The following TAOK3 variants were observed in gnomAD, a reference collection of about 807,000 sequenced individuals.
TAOK3 encodes serine/threonine-protein kinase TAO3.
Under a neutral mutation model 120.4 loss-of-function variants are expected in TAOK3, and 40 were observed. The ratio of observed to expected loss-of-function variants is 0.33; its 90% confidence interval spans 0.26 to 0.43. The LOEUF (loss-of-function observed/expected upper bound fraction) is 0.43. Among genes scored for constraint, TAOK3 ranks in the 20% least tolerant of loss-of-function variants. The probability of loss-of-function intolerance (pLI) is 1.00; values close to 1 mark genes in which losing one functional copy is unlikely to be tolerated. For synonymous variants in TAOK3, 355 were observed against 387.5 expected (o/e 0.92, Z 0.99); for missense variants, 821 against 1,112.1 (o/e 0.74, Z 3.72).
At chr12:118,324,625 C>G (rs1188917249) in intron 1 of TAOK3, among the ~76,000 whole-genome samples, 2 of 151,914 alleles carry the variant, frequency 1.3e-5, no homozygotes, top group Non-Finnish European at 1.5e-5. Flanking sequence ...TTTTTAGTTC[C>G]CACATGAGCG....
At chr12:118,344,094 A>T (rs75556854) in intron 1 of TAOK3, among the ~76,000 whole-genome samples, 1,820 of 151,550 alleles carry the variant, frequency 0.012, 32 homozygotes, top group African/African-American at 0.041. Flanking sequence ...GGATTTTACA[A>T]ATTTAGAACA....
At chr12:118,245,287 C>T (rs954748542) in intron 3 of TAOK3, among the ~76,000 whole-genome samples, 2 of 152,064 alleles carry the variant, frequency 1.3e-5, no homozygotes, top group African/African-American at 4.8e-5. Context: ...CCGCCCGCCT[C>T]GGCCTCCCAA....
chr12:118,193,500 C>T (rs1253423350), intron 13 of TAOK3, among the ~76,000 whole-genome samples: 1 of 152,146 alleles, frequency 6.6e-6, no homozygotes, highest in East Asian at 1.9e-4. Flanking sequence ...ACTATTATAC[C>T]TTAGACAAGG....
At chr12:118,166,847 T>C (rs7487392) in intron 17 of TAOK3, among the ~76,000 whole-genome samples, 28,962 of 134,640 alleles carry the variant, frequency 0.22, 3,592 homozygotes, top group South Asian at 0.32. Context: ...CACACACACA[T>C]ACACACACAC....
chr12:118,187,020 T>C (rs1022029084), intron 14 of TAOK3, among the ~76,000 whole-genome samples: 3 of 152,258 alleles, frequency 2.0e-5, no homozygotes, highest in African/African-American at 7.2e-5. Context: ...TTTAGGCTTA[T>C]GTTGAAGAAG....
chr12:118,358,740 T>C (rs1365036407), intron 1 of TAOK3, among the ~76,000 whole-genome samples: 2 of 152,208 alleles, frequency 1.3e-5, no homozygotes, highest in African/African-American at 4.8e-5. Context: ...TTAAATTAAA[T>C]AGAGCACATG....
intron 9 of TAOK3, among the ~76,000 whole-genome samples, chr12:118,226,828 T>G (rs1401201791): frequency 6.6e-6 from 1 of 152,142 alleles, no homozygotes; most frequent in Non-Finnish European, 1.5e-5. Flanking sequence ...GAAGGTAAAA[T>G]CAGAAAGCAC....
rs920644628 is a variant in TAOK3, at chr12:118,187,604, T to C, written c.1329+2203A>G. On this transcript the variant is annotated intron_variant, in intron 14 of 20. Coordinates refer to ENST00000392533, the MANE Select transcript of TAOK3 (RefSeq NM_016281.4). ...CATACCTTTTCCCTTCCATTTTTTT[T>C]CCCCTCCCTAAAAGCCACTAGATAC... is the stretch of plus-strand genomic sequence containing the variant. Among the ~76,000 whole-genome samples the C allele has an allele frequency of 2.6e-5, 4 of 151,784 alleles. No homozygotes were observed. In the East Asian group the frequency reaches 5.8e-4, roughly 22 times the overall value.
Position 118,213,772 on chromosome 12 carries a change from AG to A in TAOK3, c.737+244del, listed in dbSNP as rs1268104249. On this transcript the variant is annotated intron_variant, in intron 10 of 20. Coordinates refer to ENST00000392533, the MANE Select transcript of TAOK3 (RefSeq NM_016281.4). The stretch of plus-strand genomic sequence containing the variant: ...GAGGGTAGCAGGGCATGTTCCCTGC[AG>A]GATTTTGGTTACTAGACACATTAAG... Among the ~76,000 whole-genome samples, 3 of 152,206 alleles carry A rather than the reference AG, an allele frequency of 2.0e-5. No individual in the cohort carries two copies. In the East Asian group the frequency reaches 5.8e-4, roughly 29 times the overall value.
intron 1 of TAOK3, among the ~76,000 whole-genome samples, chr12:118,305,904 CAAAA>C (rs71450271): frequency 1.7e-5 from 1 of 58,380 alleles, no homozygotes; most frequent in African/African-American, 5.6e-5. Context: ...GACTCCGTCT[CAAAA>C]AAAAAAAAAA....
intron 1 of TAOK3, among the ~76,000 whole-genome samples, chr12:118,347,054 G>A (rs1226932198): frequency 1.3e-5 from 2 of 151,940 alleles, no homozygotes; most frequent in African/African-American, 2.4e-5. Context: ...GCTAGAGTGC[G>A]GTGGCACGAT....
intron 1 of TAOK3, among the ~76,000 whole-genome samples, chr12:118,342,682 C>T (rs2044663733): frequency 6.6e-6 from 1 of 152,056 alleles, no homozygotes; most frequent in South Asian, 2.1e-4. Flanking sequence ...ACCTGAAATC[C>T]CAGCAATTTT....
chr12:118,248,335 C>T (rs1015687116), intron 3 of TAOK3, among the ~76,000 whole-genome samples: 3 of 151,818 alleles, frequency 2.0e-5, no homozygotes, highest in African/African-American at 7.3e-5. Context: ...TCCACAAAAG[C>T]ATATTTTAGA....
intron 1 of TAOK3, among the ~76,000 whole-genome samples, chr12:118,322,683 AT>A (rs142312385): frequency 0.027 from 2,830 of 106,596 alleles, 40 homozygotes; most frequent in Middle Eastern, 0.043. Flanking sequence ...CATTCTTGTG[AT>A]TTTTTTCCCC....
intron 5 of TAOK3, among the ~76,000 whole-genome samples, chr12:118,240,557 C>G (rs168497): frequency 0.66 from 100,145 of 151,674 alleles, 33,264 homozygotes; most frequent in South Asian, 0.71. Context: ...TGTTGGCCAG[C>G]CTGGTCTTGA....
At chr12:118,193,904 C>T (rs921231490) in intron 13 of TAOK3, among the ~76,000 whole-genome samples, 3 of 152,162 alleles carry the variant, frequency 2.0e-5, no homozygotes, top group African/African-American at 7.2e-5. Flanking sequence ...GAGTAAATGT[C>T]GTTTGAAAAA....
At chr12:118,342,337 C>T (rs553553073) in intron 1 of TAOK3, among the ~76,000 whole-genome samples, 13 of 152,256 alleles carry the variant, frequency 8.5e-5, no homozygotes, top group African/African-American at 3.1e-4. Flanking sequence ...TTTATTAGCA[C>T]AACATGAAAT....
At chr12:118,173,651 C>T (rs1162243839) in intron 16 of TAOK3, among the ~76,000 whole-genome samples, 1 of 152,110 alleles carries the variant, frequency 6.6e-6, no homozygotes, top group East Asian at 1.9e-4. Flanking sequence ...GTAAACAAAC[C>T]ATCTATATTT....
At chr12:118,266,270 G>A (rs1244875960) in intron 2 of TAOK3, among the ~76,000 whole-genome samples, 4 of 152,024 alleles carry the variant, frequency 2.6e-5, no homozygotes, top group African/African-American at 4.8e-5. Context: ...TCGGCTCACC[G>A]CAACCTCTGC....
Sources: gnomAD v4.1 joint callset for allele counts (sites outside exome capture counted in the v4.1 genomes callset) on GRCh38, gnomAD v4.1.1 for gene constraint, MANE v1.5 for transcripts, NCBI Gene and HGNC (gene_info 2026-07-23, HGNC 2026-07-21) for gene names.